The following ARHGEF4 variants were observed in gnomAD, a reference collection of about 807,000 sequenced individuals.
The protein encoded by ARHGEF4 is Rho guanine nucleotide exchange factor 4, also known as APC-stimulated guanine nucleotide exchange factor 1.
A neutral mutation model predicts 162.0 loss-of-function variants in ARHGEF4; 119 were observed. That is an observed-to-expected ratio of 0.73 (90% confidence interval 0.63 to 0.86). The LOEUF is 0.86. Ranked by LOEUF, ARHGEF4 falls within the 40% of genes least tolerant of loss-of-function variation. The probability of loss-of-function intolerance (pLI) is 0.00; values close to 1 mark genes in which losing one functional copy is unlikely to be tolerated. For synonymous variants in ARHGEF4, 1,014 were observed against 979.9 expected (o/e 1.03, Z -0.65); for missense variants, 2,488 against 2,456.0 (o/e 1.01, Z -0.28).
intron 4 of ARHGEF4, among the ~76,000 whole-genome samples, chr2:130,950,233 G>C (rs1013602926): frequency 1.3e-5 from 2 of 152,136 alleles, no homozygotes; most frequent in East Asian, 3.9e-4. Flanking sequence ...TCTTCTCCAC[G>C]TTTGGAAGGG....
Position 130,941,727 on chromosome 2 carries a change from G to A in ARHGEF4, c.3859-4782G>A, listed in dbSNP as rs566382408. ...ATTTACTATTTACTCACTGGAAGCG[G>A]GTTGTCATAAAGGTCTTCATCCTCA... On this transcript the variant is annotated intron_variant, in intron 3 of 13. Transcript: ENST00000409359. 2.0e-5 allele frequency among the ~76,000 whole-genome samples: 3 copies of A among 152,282 alleles called. 1 individual carries two copies. The highest frequency in any genetic ancestry group is 6.5e-5 in the Admixed American group (1 of 15,286).
chr2:130,845,925 G>A (rs1189694600), intron 1 of ARHGEF4, among the ~76,000 whole-genome samples: 2 of 152,242 alleles, frequency 1.3e-5, no homozygotes, highest in African/African-American at 2.4e-5. Flanking sequence ...ACAGGTGAGC[G>A]TGGGCGGAAG....
chr2:131,036,810 G>C (rs1421724837), intron 5 of ARHGEF4, among the ~76,000 whole-genome samples: 1 of 152,176 alleles, frequency 6.6e-6, no homozygotes, highest in Non-Finnish European at 1.5e-5. Context: ...CAGACCCCAG[G>C]TCAGGGCCAT....
intron 4 of ARHGEF4, among the ~76,000 whole-genome samples, chr2:131,013,605 GATT>G (rs1558851419): frequency 6.6e-6 from 1 of 152,130 alleles, no homozygotes; most frequent in Non-Finnish European, 1.5e-5. Flanking sequence ...TTGATTGATT[GATT>G]GATTGATTTT....
rs1013987407 is a variant in ARHGEF4, at chr2:131,035,751, C to T, written c.4126-3102C>T. The T allele has an allele frequency of 5.1e-6, 5 of 985,348 alleles. No individual in the cohort carries two copies. The East Asian group carries it at 3.4e-4, about 67-fold the overall frequency. The allele number at this position is 985,348 out of a possible 1,614,324, so 61.0% of individuals were successfully genotyped here. A position where few individuals can be genotyped will look rare whatever the true frequency, so the allele number is the denominator to read the frequency against. ...TCTTCCCACGGGCAGAGCCCCTCTG[C>T]CCCCCTTGCACGTGGGCCCTCTGAA... is the stretch of plus-strand genomic sequence containing the variant. On this transcript the variant is annotated intron_variant, in intron 5 of 13. Transcript: ENST00000409359.
intron 10 of ARHGEF4, among the ~76,000 whole-genome samples, 155 bp downstream of exon 10, chr2:131,042,099 C>T (rs1246527476): frequency 2.6e-5 from 4 of 152,240 alleles, no homozygotes; most frequent in Non-Finnish European, 4.4e-5. Context: ...CTGTCCCCAG[C>T]GTGGGCTCTG....
Position 131,046,527 on chromosome 2 carries a change from C to T in ARHGEF4, c.*338C>T. On this transcript the variant is annotated 3_prime_UTR_variant, in exon 14 of 14. Coordinates refer to ENST00000409359, the MANE Select transcript of ARHGEF4 (RefSeq NM_001367493.1). ...GGCCCAGCTGGGGAGAAGGCGCTAC[C>T]TGCGTGGGACCCTCTTCTCTGGAAA... 1 of 252,316 alleles carries T rather than the reference C, an allele frequency of 4.0e-6. No individual in the cohort carries two copies. Among genetic ancestry groups the T allele is most frequent in the Admixed American group, 5.3e-5 (1 of 19,014 alleles). 15.6% of individuals were successfully genotyped at this position (252,316 alleles called of 1,614,324 possible).
chr2:130,980,510 A>G lies in ARHGEF4; in HGVS notation c.3985+33875A>G, dbSNP rs1686051065. Among the ~76,000 whole-genome samples, 9 of 152,244 alleles carry G rather than the reference A, an allele frequency of 5.9e-5. 1 individual carries two copies. The highest frequency in any genetic ancestry group is 5.9e-4 in the Admixed American group (9 of 15,280). Reference sequence around the variant, plus strand: ...ATCAGTTTTGGAAATTTAGTATGAGAAGTAATCTTTCACTTAAATACTATA... The same window carrying G: ...ATCAGTTTTGGAAATTTAGTATGAGGAGTAATCTTTCACTTAAATACTATA... On this transcript the variant is annotated intron_variant, in intron 4 of 13. Coordinates refer to ENST00000409359, the MANE Select transcript of ARHGEF4 (RefSeq NM_001367493.1).
intron 1 of ARHGEF4, among the ~76,000 whole-genome samples, chr2:130,887,065 G>T (rs1278522305): frequency 1.1e-4 from 17 of 151,928 alleles, no homozygotes; most frequent in Non-Finnish European, 2.1e-4. Flanking sequence ...TTGAAATCAG[G>T]CAGTGTAGTT....
At chr2:130,864,961 T>C (rs1339822115) in intron 1 of ARHGEF4, among the ~76,000 whole-genome samples, 1 of 152,196 alleles carries the variant, frequency 6.6e-6, no homozygotes, top group African/African-American at 2.4e-5. Flanking sequence ...TGGCTGTGTG[T>C]TCTGGGAGCA....
chr2:130,907,244 G>A (rs1307910363), intron 1 of ARHGEF4, among the ~76,000 whole-genome samples: 6 of 7,126 alleles, frequency 8.4e-4, no homozygotes, highest in Admixed American at 5.5e-3. Flanking sequence ...ACAGAGTCTC[G>A]CTCTGGAGAC....
intron 1 of ARHGEF4, among the ~76,000 whole-genome samples, chr2:130,852,135 G>A (rs1392280349): frequency 6.6e-6 from 1 of 152,232 alleles, no homozygotes; most frequent in Non-Finnish European, 1.5e-5. Flanking sequence ...CTGCTCCACG[G>A]CACACCCTGC....
chr2:131,024,058 G>C (rs765984176), intron 4 of ARHGEF4, among the ~76,000 whole-genome samples: 4 of 152,172 alleles, frequency 2.6e-5, no homozygotes, highest in Non-Finnish European at 4.4e-5. Flanking sequence ...TGGTGGCTGT[G>C]CAGATCTGCA....
At position 130,996,937 on chromosome 2, in the gene ARHGEF4, G is replaced by A. The variant is rs1305331996; in HGVS notation, c.3986-31008G>A. Among the ~76,000 whole-genome samples, 6 of 152,236 alleles carry A rather than the reference G, an allele frequency of 3.9e-5. 1 individual carries two copies. In the South Asian group the frequency reaches 1.2e-3, roughly 32 times the overall value. ...GTCTTTTTCTTGTTGATTTGCAAGAGCTCCTTTTATATTTTGAATATATTA... is the reference window on the plus strand; with the variant it reads ...GTCTTTTTCTTGTTGATTTGCAAGAACTCCTTTTATATTTTGAATATATTA... On this transcript the variant is annotated intron_variant, in intron 4 of 13. Transcript: ENST00000409359.
chr2:130,923,783 T>A (rs1055848679), intron 2 of ARHGEF4, among the ~76,000 whole-genome samples: 1 of 152,176 alleles, frequency 6.6e-6, no homozygotes, highest in Non-Finnish European at 1.5e-5. Flanking sequence ...CCCTGGAAGG[T>A]CCAGCCTCAT....
At chr2:131,026,396 TC>T (rs1448412505) in intron 4 of ARHGEF4, among the ~76,000 whole-genome samples, 2 of 152,164 alleles carry the variant, frequency 1.3e-5, no homozygotes, top group Non-Finnish European at 2.9e-5. Context: ...ATTAAGGACT[TC>T]CGTTCTTCAA....
At chr2:130,976,592 TAGGA>T (rs1685731951) in intron 4 of ARHGEF4, among the ~76,000 whole-genome samples, 2 of 151,886 alleles carry the variant, frequency 1.3e-5, no homozygotes, top group Admixed American at 6.6e-5. Context: ...GACAGGGAAA[TAGGA>T]AGGCAGGTGT....
chr2:130,966,157 C>T (rs913183431), intron 4 of ARHGEF4, among the ~76,000 whole-genome samples: 1 of 152,148 alleles, frequency 6.6e-6, no homozygotes, highest in South Asian at 2.1e-4. Context: ...TTAAAGTCAC[C>T]TCTTCATCCT....
At chr2:130,996,959 A>G (rs1381605376) in intron 4 of ARHGEF4, among the ~76,000 whole-genome samples, 1 of 152,116 alleles carries the variant, frequency 6.6e-6, no homozygotes, top group Admixed American at 6.5e-5. Flanking sequence ...TTTTGAATAT[A>G]TTATTCTTTG....
Sources: allele counts gnomAD v4.1 joint callset (sites outside exome capture counted in the v4.1 genomes callset), GRCh38; gene constraint gnomAD v4.1.1; transcripts MANE v1.5; gene names NCBI Gene and HGNC (gene_info 2026-07-23, HGNC 2026-07-21).